The following GCNT2 variants were observed in gnomAD, a reference collection of about 807,000 sequenced individuals.
GCNT2 encodes the protein N-acetyllactosaminide beta-1,6-N-acetylglucosaminyl-transferase.
In GCNT2, 34 loss-of-function variants were observed where a neutral mutation model predicts 34.2. The observed-to-expected ratio is 1.00, with a 90% confidence interval of 0.76 to 1.32. The LOEUF is 1.32. GCNT2 is among the 40% of genes most tolerant of loss of function. The probability of loss-of-function intolerance (pLI) is 0.00; values close to 1 mark genes in which losing one functional copy is unlikely to be tolerated. For missense variants in GCNT2, 584 were observed against 489.4 expected, an observed-to-expected ratio of 1.19 and a Z score of -1.82; for synonymous variants, 212 against 188.0, an observed-to-expected ratio of 1.13 and a Z score of -1.04.
chr6:10,567,679 A>T (rs3798698), intron 3 of GCNT2, among the ~76,000 whole-genome samples: 97,527 of 152,004 alleles, frequency 0.64, 32,208 homozygotes, highest in Middle Eastern at 0.74. Context: ...ATCTCTTCTT[A>T]CTTCTAATCC....
intron 3 of GCNT2, among the ~76,000 whole-genome samples, chr6:10,604,808 G>A (rs1264562164): frequency 2.0e-5 from 3 of 151,346 alleles, no homozygotes; most frequent in African/African-American, 7.3e-5. Context: ...GTGGTGACCT[G>A]TGATTGCACC....
At chr6:10,522,356 T>A (rs1241336331) in intron 1 of GCNT2, among the ~76,000 whole-genome samples, 1 of 152,174 alleles carries the variant, frequency 6.6e-6, no homozygotes, top group African/African-American at 2.4e-5. Context: ...TAAAGACAGG[T>A]CTACTAAGTA....
rs578126682 is a variant in GCNT2 at position 10,623,621 on chromosome 6, A to C, written c.1018+2178A>C. Among the ~76,000 whole-genome samples the C allele has an allele frequency of 7.2e-5, 11 of 152,254 alleles. No individual in the cohort carries two copies. The East Asian group carries it at 2.1e-3, about 29-fold the overall frequency. ...ACCTTCATCAGCCCTCTTAGCACTTAGAATGATCTTCAACTTGGAGTGCCC... is the reference window on the plus strand; with the variant it reads ...ACCTTCATCAGCCCTCTTAGCACTTCGAATGATCTTCAACTTGGAGTGCCC... On this transcript the variant is annotated intron_variant, in intron 4 of 4. Transcript: ENST00000495262.
intron 3 of GCNT2, among the ~76,000 whole-genome samples, chr6:10,595,504 C>T (rs1256234945): frequency 2.0e-5 from 3 of 152,160 alleles, no homozygotes; most frequent in South Asian, 4.1e-4. Flanking sequence ...GTCTCGATCT[C>T]CTGACCTCGT....
intron 3 of GCNT2, among the ~76,000 whole-genome samples, chr6:10,547,811 C>T (rs1258213889): frequency 1.3e-5 from 2 of 152,150 alleles, no homozygotes; most frequent in Non-Finnish European, 2.9e-5. Flanking sequence ...AGAGCCATCC[C>T]TTCTCCTGTG....
intron 1 of GCNT2, among the ~76,000 whole-genome samples, chr6:10,522,858 A>G (rs561008059): frequency 1.3e-5 from 2 of 152,180 alleles, no homozygotes; most frequent in Non-Finnish European, 2.9e-5. Flanking sequence ...CTAGCTTCTC[A>G]TAATATCCCA....
chr6:10,557,463 C>A, intron 3 of GCNT2: 2 of 770,464 alleles, frequency 2.6e-6, no homozygotes, highest in Non-Finnish European at 4.4e-6. Context: ...TAGTTCTCAC[C>A]CTAGTCCTTT....
At chr6:10,607,976 G>A (rs1288137241) in intron 3 of GCNT2, among the ~76,000 whole-genome samples, 1 of 151,892 alleles carries the variant, frequency 6.6e-6, no homozygotes, top group Non-Finnish European at 1.5e-5. Context: ...AACTTGCTTA[G>A]GTTTCAGAAT....
intron 3 of GCNT2, chr6:10,581,739 A>G (rs978556490): frequency 1.0e-6 from 1 of 985,136 alleles, no homozygotes; most frequent in Non-Finnish European, 1.2e-6. Flanking sequence ...AAGAGAAGGG[A>G]AAAAACCGAC....
intron 1 of GCNT2, among the ~76,000 whole-genome samples, chr6:10,527,215 G>C (rs1340586704): frequency 6.6e-6 from 1 of 152,140 alleles, no homozygotes; most frequent in African/African-American, 2.4e-5. Context: ...CCTGAGGTCA[G>C]GCGTTTGAAA....
intron 3 of GCNT2, among the ~76,000 whole-genome samples, chr6:10,537,397 A>G (rs1311089964): frequency 3.3e-5 from 5 of 152,050 alleles, no homozygotes; most frequent in Admixed American, 2.0e-4. Context: ...GGAAAATACC[A>G]TAAATCAAAA....
At chr6:10,562,778 A>G (rs1460388681) in intron 3 of GCNT2, among the ~76,000 whole-genome samples, 1 of 151,898 alleles carries the variant, frequency 6.6e-6, no homozygotes, top group Non-Finnish European at 1.5e-5. Context: ...CCCTGAAGCC[A>G]AGGGCTGGGG....
In GCNT2 at chr6:10,629,129, G is replaced by A. The variant is rs182331720; in HGVS notation, c.*2522G>A. On this transcript the variant is annotated 3_prime_UTR_variant, in exon 5 of 5. Coordinates refer to ENST00000495262, the MANE Select transcript of GCNT2 (RefSeq NM_145649.5). ...ATGACAGCACCTGAGAAGAGGAACC[G>A]TTTTACACTGGATGTTTCTCATGTA... The A allele has an allele frequency of 2.9e-4, 44 of 152,742 alleles. No individual in the cohort carries two copies. The highest frequency in any genetic ancestry group is 8.9e-4 in the African/African-American group (37 of 41,568). 9.5% of individuals were successfully genotyped at this position (152,742 alleles called of 1,614,324 possible). A position where few individuals can be genotyped will look rare whatever the true frequency, so the allele number is the denominator to read the frequency against.
At chr6:10,617,743 A>G (rs1203155776) in intron 3 of GCNT2, among the ~76,000 whole-genome samples, 1 of 112,808 alleles carries the variant, frequency 8.9e-6, no homozygotes, top group Non-Finnish European at 1.6e-5. Flanking sequence ...CAGAGTCTGC[A>G]TTTCTTCTTT....
At chr6:10,608,614 C>T (rs1437188880) in intron 3 of GCNT2, among the ~76,000 whole-genome samples, 1 of 152,116 alleles carries the variant, frequency 6.6e-6, no homozygotes, top group African/African-American at 2.4e-5. Context: ...TGGGATGATC[C>T]CTTGAAACCA....
chr6:10,554,740 G>A (rs1308467196), intron 3 of GCNT2, among the ~76,000 whole-genome samples: 1 of 152,068 alleles, frequency 6.6e-6, no homozygotes, highest in African/African-American at 2.4e-5. Flanking sequence ...CGATTCCATA[G>A]AAGACACTAA....
At chr6:10,617,828 C>T (rs1429635450) in intron 3 of GCNT2, among the ~76,000 whole-genome samples, 2 of 147,028 alleles carry the variant, frequency 1.4e-5, no homozygotes, top group Admixed American at 6.9e-5. Flanking sequence ...AACCTCGGCT[C>T]ACTGCAACCT....
intron 3 of GCNT2, among the ~76,000 whole-genome samples, chr6:10,606,721 A>C (rs1765337410): frequency 6.7e-6 from 1 of 149,290 alleles, no homozygotes; most frequent in African/African-American, 2.6e-5. Context: ...AGCAGTGGTC[A>C]TAAAAGTAAC....
Position 10,557,003 on chromosome 6 carries a change from C to T in GCNT2, c.925+27167C>T, listed in dbSNP as rs745904861. On this transcript the variant is annotated intron_variant, in intron 3 of 4. Transcript: ENST00000495262. The stretch of plus-strand genomic sequence containing the variant: ...TATCAACACCTGTGGGCAAGACTTC[C>T]CCCTGAAAACCAACAAGGAAATAGT... The T allele has an allele frequency of 1.1e-5, 18 of 1,613,518 alleles. No individual in the cohort carries two copies. The Middle Eastern group carries it at 1.8e-3, about 162-fold the overall frequency.
Sources: gnomAD v4.1 joint callset for allele counts (sites outside exome capture counted in the v4.1 genomes callset) on GRCh38, gnomAD v4.1.1 for gene constraint, MANE v1.5 for transcripts, NCBI Gene and HGNC (gene_info 2026-07-23, HGNC 2026-07-21) for gene names.